The following PIK3C2G variants were observed in gnomAD, a reference collection of about 807,000 sequenced individuals.
PIK3C2G encodes the protein phosphatidylinositol-4-phosphate 3-kinase catalytic subunit type 2 gamma, also known as phosphatidylinositol 3-kinase C2 domain-containing subunit gamma.
Under a neutral mutation model 181.1 loss-of-function variants are expected in PIK3C2G, and 168 were observed. That is an observed-to-expected ratio of 0.93 (90% CI 0.82 to 1.05). The LOEUF is 1.05. PIK3C2G is among the 50% of genes least tolerant of loss of function. PIK3C2G has a pLI of 0.00. For synonymous variants in PIK3C2G, 573 were observed against 592.2 expected (o/e 0.97, Z 0.47); for missense variants, 1,869 against 1,732.8 (o/e 1.08, Z -1.40).
chr12:18,335,382 C>T (rs1345395312), intron 8 of PIK3C2G, among the ~76,000 whole-genome samples: 2 of 152,074 alleles, frequency 1.3e-5, no homozygotes, highest in Non-Finnish European at 2.9e-5. Context: ...CTTGAAATTC[C>T]CTCTAAATGT....
At chr12:18,635,710 A>C (rs73071844) in intron 31 of PIK3C2G, among the ~76,000 whole-genome samples, 2 of 152,108 alleles carry the variant, frequency 1.3e-5, no homozygotes, top group African/African-American at 4.8e-5. Context: ...CATGTAACCC[A>C]TGTGGCAAAG....
At chr12:18,701,381 T>G in the PIK3C2G span, 1 of 1,519,446 alleles carries the variant, frequency 6.6e-7, no homozygotes, top group Admixed American at 2.1e-5. Context: ...TTGTAAATGA[T>G]AGACTAGAGT....
At chr12:18,710,865 A>C in the PIK3C2G span, among the ~76,000 whole-genome samples, 51 of 152,316 alleles carry the variant, frequency 3.3e-4, no homozygotes, top group African/African-American at 1.2e-3. Context: ...AATGGCGATC[A>C]TTAAAAAGTC....
At chr12:18,722,786 G>T in the PIK3C2G span, among the ~76,000 whole-genome samples, 1 of 151,796 alleles carries the variant, frequency 6.6e-6, no homozygotes, top group African/African-American at 2.4e-5. Flanking sequence ...AAGAACAAGC[G>T]AAAAGTATAT....
At chr12:18,525,276 C>T (rs1943160842) in intron 24 of PIK3C2G, among the ~76,000 whole-genome samples, 1 of 151,902 alleles carries the variant, frequency 6.6e-6, no homozygotes, top group African/African-American at 2.4e-5. Flanking sequence ...ACTGTAATCA[C>T]AGCTACTCGA....
chr12:18,701,731 A>C, the PIK3C2G span: 1 of 1,612,102 alleles, frequency 6.2e-7, no homozygotes, highest in East Asian at 2.2e-5. Context: ...GTTTCCTTTA[A>C]GGTTCCTATT....
intron 12 of PIK3C2G, among the ~76,000 whole-genome samples, chr12:18,369,236 C>T (rs996688059): frequency 2.6e-5 from 4 of 152,134 alleles, no homozygotes; most frequent in East Asian, 1.9e-4. Flanking sequence ...ATTTATCTCC[C>T]ATGACTCTGG....
chr12:18,700,538 A>AAAAAAAAAAAAG, the PIK3C2G span, among the ~76,000 whole-genome samples: 1 of 135,918 alleles, frequency 7.4e-6, no homozygotes. Flanking sequence ...AAAAAAAAAT[A>AAAAAAAAAAAAG]GTTGCTCTGC....
At chr12:18,585,956 T>C (rs747575324) in intron 29 of PIK3C2G, among the ~76,000 whole-genome samples, 4 of 152,080 alleles carry the variant, frequency 2.6e-5, no homozygotes, top group Non-Finnish European at 4.4e-5. Context: ...CTTTGGGGTA[T>C]ACAATGAAAT....
intron 25 of PIK3C2G, among the ~76,000 whole-genome samples, chr12:18,543,019 T>C (rs1423777758): frequency 6.6e-6 from 1 of 152,032 alleles, no homozygotes; most frequent in African/African-American, 2.4e-5. Flanking sequence ...AGTGTGTAAG[T>C]GTTCCCGTTT....
chr12:18,331,383 T>C (rs893654775), intron 8 of PIK3C2G, among the ~76,000 whole-genome samples: 2 of 152,118 alleles, frequency 1.3e-5, no homozygotes, highest in African/African-American at 4.8e-5. Flanking sequence ...AGCATAGAGA[T>C]TATGCATAGT....
chr12:18,286,270 C>A (rs185094210), intron 2 of PIK3C2G, among the ~76,000 whole-genome samples: 8 of 152,098 alleles, frequency 5.3e-5, no homozygotes, highest in Admixed American at 4.6e-4. Flanking sequence ...ATAAATGAAG[C>A]ATGCATTCAC....
rs543342333 is a variant in PIK3C2G at position 18,275,366 on chromosome 12, CT to C, written c.-78-6632del. Reference sequence around the variant, plus strand: ...ATCTTTCTCCTTTTATATTCCACATCTTTTTTATCCTCTTAATTTATTTATT... The same window carrying C: ...ATCTTTCTCCTTTTATATTCCACATCTTTTTATCCTCTTAATTTATTTATT... On this transcript the variant is annotated intron_variant, in intron 1 of 32. Transcript: ENST00000538779. 1.0e-3 allele frequency among the ~76,000 whole-genome samples: 155 copies of C among 152,114 alleles called. 3 individuals are homozygous for C. The highest frequency in any genetic ancestry group is 8.1e-3 in the Admixed American group (123 of 15,252).
intron 29 of PIK3C2G, among the ~76,000 whole-genome samples, chr12:18,587,177 A>G (rs1436670455): frequency 6.6e-6 from 1 of 152,144 alleles, no homozygotes; most frequent in Non-Finnish European, 1.5e-5. Flanking sequence ...CATCACTCCT[A>G]TTCAACATAG....
chr12:18,566,415 C>A (rs1429461301), intron 28 of PIK3C2G, among the ~76,000 whole-genome samples: 9 of 152,136 alleles, frequency 5.9e-5, no homozygotes, highest in Admixed American at 2.6e-4. Flanking sequence ...GAAGTCCAAC[C>A]CATCAAGATG....
At chr12:18,258,176 T>G (rs1341206301), upstream of PIK3C2G, among the ~76,000 whole-genome samples, 1 of 152,194 alleles carries the variant, frequency 6.6e-6, no homozygotes, top group African/African-American at 2.4e-5. Context: ...CAATCTACTC[T>G]TTTATATTGT....
At chr12:18,422,551 A>C (rs192230152) in intron 17 of PIK3C2G, among the ~76,000 whole-genome samples, 199 of 152,244 alleles carry the variant, frequency 1.3e-3, no homozygotes, top group African/African-American at 4.4e-3. Context: ...CATAGCTAAG[A>C]GTCAAATAAG....
chr12:18,481,310 C>T (rs976934813), intron 18 of PIK3C2G, among the ~76,000 whole-genome samples: 6 of 152,124 alleles, frequency 3.9e-5, no homozygotes, highest in Non-Finnish European at 5.9e-5. Context: ...ATCAGGCTCC[C>T]GGGTTGACCA....
At chr12:18,257,637 AAAAAG>A (rs1175893990), upstream of PIK3C2G, among the ~76,000 whole-genome samples, 1 of 151,970 alleles carries the variant, frequency 6.6e-6, no homozygotes, top group South Asian at 2.1e-4. Context: ...AGGGAAAGAA[AAAAAG>A]AAAAGAAAAG....
Sources: allele counts gnomAD v4.1 joint callset (sites outside exome capture counted in the v4.1 genomes callset), GRCh38; gene constraint gnomAD v4.1.1; transcripts MANE v1.5; gene names NCBI Gene and HGNC (gene_info 2026-07-23, HGNC 2026-07-21).